Variants in LCOR observed in about 807,000 individuals in gnomAD.
The protein encoded by LCOR is ligand-dependent corepressor.
A neutral mutation model predicts 64.4 loss-of-function variants in LCOR; 14 were observed. The ratio of observed to expected loss-of-function variants is 0.22; its 90% confidence interval spans 0.14 to 0.34. The LOEUF (loss-of-function observed/expected upper bound fraction) is 0.34. Ranked by LOEUF, LCOR falls within the 10% of genes least tolerant of loss-of-function variation. The pLI, the probability that LCOR is intolerant of heterozygous loss-of-function variation, is 1.00. For missense variants in LCOR, 1,686 were observed against 1,765.3 expected, an observed-to-expected ratio of 0.96 and a Z score of 0.80; for synonymous variants, 643 against 642.5, an observed-to-expected ratio of 1.00 and a Z score of -0.01.
chr10:96,896,964 A>G (rs1389042733), intron 2 of LCOR, among the ~76,000 whole-genome samples: 2 of 152,096 alleles, frequency 1.3e-5, no homozygotes, highest in Non-Finnish European at 2.9e-5. Flanking sequence ...TCTTTCAACT[A>G]TAGAAATTTC....
rs774541943 is a variant in LCOR, at chr10:96,981,073, T to C, written c.613T>C (p.Leu205=). Residue 205 remains leucine (L), a synonymous_variant, in exon 8 of 8, where the codon TTG becomes CTG. Transcript: ENST00000421806. ...TATGAAGTCTTCTGCTTCTGTAGATTTGTTCGTAGACTCGTCAGACTCTCA... is the reference window on the plus strand; with the variant it reads ...TATGAAGTCTTCTGCTTCTGTAGATCTGTTCGTAGACTCGTCAGACTCTCA... ...LDMKSSASVD[L]FVDSSDSHSP... is the part of the protein sequence containing the mutation. 5.7e-6 allele frequency: 4 copies of C among 703,004 alleles called. No individual in the cohort carries two copies. In the South Asian group the frequency reaches 5.9e-5, roughly 10 times the overall value. 43.5% of individuals were successfully genotyped at this position (703,004 alleles called of 1,614,324 possible).
At chr10:96,955,525 A>G in intron 7 of LCOR, 1 of 1,614,176 alleles carries the variant, frequency 6.2e-7, no homozygotes, top group Non-Finnish European at 8.5e-7. Context: ...CAAAGTAGAA[A>G]AAGCATGTTA....
chr10:96,912,936 A>G (rs1357087055), intron 4 of LCOR, among the ~76,000 whole-genome samples: 1 of 152,068 alleles, frequency 6.6e-6, no homozygotes, highest in Non-Finnish European at 1.5e-5. Context: ...TTCTTATTTC[A>G]TTCTGTGGAT....
Position 96,961,413 on chromosome 10 carries a change from C to T in LCOR, c.332+9217C>T, listed in dbSNP as rs892089069. On this transcript the variant is annotated intron_variant, in intron 7 of 7. Transcript: ENST00000421806. ...AATGTGGAAATGAACTCTTTTACCC[C>T]ATCTTGAACTGTCATTGAACATGCT... 3 of 151,858 alleles carry T rather than the reference C, an allele frequency of 2.0e-5. No homozygotes were observed. The South Asian group carries it at 6.2e-4, about 32-fold the overall frequency. The allele number at this position is 151,858 out of a possible 1,614,324, so 9.4% of individuals were successfully genotyped here. A position where few individuals can be genotyped will look rare whatever the true frequency, so the allele number is the denominator to read the frequency against.
At chr10:96,953,459 G>A (rs943255050) in intron 7 of LCOR, among the ~76,000 whole-genome samples, 6 of 152,136 alleles carry the variant, frequency 3.9e-5, no homozygotes, top group African/African-American at 1.4e-4. Context: ...GCTGAGGTGG[G>A]ACGATCGCTT....
Position 96,930,759 on chromosome 10 carries a change from C to T in LCOR, c.-183-13354C>T, listed in dbSNP as rs148545648. Among the ~76,000 whole-genome samples the T allele has an allele frequency of 6.3e-3, 952 of 152,268 alleles. 6 individuals carry two copies. Among genetic ancestry groups the T allele is most frequent in the Non-Finnish European group, 8.6e-3 (583 of 68,032 alleles). On this transcript the variant is annotated intron_variant, in intron 4 of 7. Transcript: ENST00000421806. ...GATTAGGCCATAAGGACTCCTTCCT[C>T]CTTAATGGAATTAAAAAAGGGGCTT...
chr10:96,847,601 C>T (rs1845653797), intron 2 of LCOR, among the ~76,000 whole-genome samples: 1 of 152,090 alleles, frequency 6.6e-6, no homozygotes, highest in Non-Finnish European at 1.5e-5. Flanking sequence ...GCCACCACGC[C>T]TGGCTAATTT....
At chr10:96,941,514 ACGGGGCGGC>A (rs1847475876) in intron 4 of LCOR, among the ~76,000 whole-genome samples, 1 of 114,692 alleles carries the variant, frequency 8.7e-6, no homozygotes, top group Non-Finnish European at 1.8e-5. Flanking sequence ...CACCTCCCGG[ACGGGGCGGC>A]TGGCCGGGCG....
chr10:96,883,575 T>G (rs1258870055), intron 2 of LCOR, among the ~76,000 whole-genome samples: 1 of 152,214 alleles, frequency 6.6e-6, no homozygotes, highest in East Asian at 1.9e-4. Flanking sequence ...CATTGTTGTT[T>G]CAACTTGCAG....
At chr10:96,947,737 C>CTT (rs942356455) in intron 5 of LCOR, among the ~76,000 whole-genome samples, 3 of 145,202 alleles carry the variant, frequency 2.1e-5, no homozygotes, top group African/African-American at 5.0e-5. Flanking sequence ...TCACATTTCC[C>CTT]TTTTTTTTTT....
intron 4 of LCOR, among the ~76,000 whole-genome samples, chr10:96,942,005 G>GC (rs1847494419): frequency 9.1e-6 from 1 of 109,794 alleles, no homozygotes; most frequent in African/African-American, 3.3e-5. Flanking sequence ...CGATGGGGGG[G>GC]CAGGCAGAGA....
intron 5 of LCOR, among the ~76,000 whole-genome samples, chr10:96,946,041 T>C (rs1847584601): frequency 6.6e-6 from 1 of 152,016 alleles, no homozygotes; most frequent in South Asian, 2.1e-4. Context: ...AAATTGTAAG[T>C]TGAGTTTATT....
At chr10:96,863,547 TC>T (rs1183057346) in intron 2 of LCOR, among the ~76,000 whole-genome samples, 1 of 152,192 alleles carries the variant, frequency 6.6e-6, no homozygotes, top group Admixed American at 6.5e-5. Flanking sequence ...GAATTCATTT[TC>T]TGGGAATTGA....
At chr10:96,870,037 C>A (rs1846045963) in intron 2 of LCOR, among the ~76,000 whole-genome samples, 1 of 151,994 alleles carries the variant, frequency 6.6e-6, no homozygotes, top group Non-Finnish European at 1.5e-5. Flanking sequence ...ACCATAAGTT[C>A]TTTGTTTGTT....
chr10:96,938,988 T>C (rs1241774056), intron 4 of LCOR, among the ~76,000 whole-genome samples: 2 of 152,234 alleles, frequency 1.3e-5, no homozygotes, highest in African/African-American at 4.8e-5. Context: ...ACTGACTTAT[T>C]TGCAGAGATT....
intron 7 of LCOR, among the ~76,000 whole-genome samples, chr10:96,966,073 T>C (rs1301730190): frequency 1.3e-5 from 2 of 152,052 alleles, no homozygotes; most frequent in African/African-American, 4.8e-5. Context: ...TCTGCTGATA[T>C]TTTGGAAACT....
intron 4 of LCOR, among the ~76,000 whole-genome samples, chr10:96,919,005 A>G (rs935698597): frequency 1.1e-4 from 17 of 152,236 alleles, no homozygotes; most frequent in African/African-American, 4.1e-4. Context: ...TTAAGTATAA[A>G]AAACTACTGA....
chr10:96,920,718 G>GTTCA lies in LCOR; in HGVS notation c.-184+12972_-184+12973insTCAT, dbSNP rs1303442667. On this transcript the variant is annotated intron_variant, in intron 4 of 7. Transcript: ENST00000421806. The stretch of plus-strand genomic sequence containing the variant: ...TATGTTCATATATGTGTGTATATAT[G>GTTCA]TATATATGTTCATATATATGTGTAT... 3.7e-4 allele frequency among the ~76,000 whole-genome samples: 41 copies of GTTCA among 110,596 alleles called. 1 individual carries two copies. Among genetic ancestry groups the GTTCA allele is most frequent in the South Asian group, 1.3e-3 (4 of 3,100 alleles). 72.6% of individuals were successfully genotyped at this position (110,596 alleles called of 152,430 possible). A position where few individuals can be genotyped will look rare whatever the true frequency, so the allele number is the denominator to read the frequency against.
chr10:96,948,149 C>T (rs1274036216), intron 5 of LCOR, among the ~76,000 whole-genome samples: 1 of 152,114 alleles, frequency 6.6e-6, no homozygotes, highest in Non-Finnish European at 1.5e-5. Flanking sequence ...AAAAGTTCTT[C>T]GAGTTAATGA....
Sources: gnomAD v4.1 joint callset for allele counts (sites outside exome capture counted in the v4.1 genomes callset) on GRCh38, gnomAD v4.1.1 for gene constraint, MANE v1.5 for transcripts, NCBI Gene and HGNC (gene_info 2026-07-23, HGNC 2026-07-21) for gene names.